RUBCN: variants seen among roughly 807,000 people sequenced by gnomAD.
RUBCN encodes run domain Beclin-1-interacting and cysteine-rich domain-containing protein.
A neutral mutation model predicts 113.2 loss-of-function variants in RUBCN; 74 were observed. The observed-to-expected ratio is 0.65, with a 90% CI of 0.54 to 0.79. The LOEUF is 0.79. Ranked by LOEUF, RUBCN falls within the 30% of genes least tolerant of loss-of-function variation. The probability of loss-of-function intolerance (pLI) is 0.00; values close to 1 mark genes in which losing one functional copy is unlikely to be tolerated. For synonymous variants in RUBCN, 480 were observed against 490.0 expected, an observed-to-expected ratio of 0.98 and a Z score of 0.27; for missense variants, 1,109 against 1,251.7, an observed-to-expected ratio of 0.89 and a Z score of 1.72.
chr3:197,681,742 CCTG>C lies in RUBCN; in HGVS notation c.2191+90_2191+92del. ...CTTCCCTACTTCTGCCACGCCACCT[CCTG>C]CTACCGCCTTTGACACGCCACCTCT... On this transcript the variant is annotated intron_variant, in intron 15 of 19. Coordinates refer to ENST00000296343, the MANE Select transcript of RUBCN (RefSeq NM_014687.4). The surrounding 1 kb of genome is among the most constrained non-coding windows in gnomAD (Gnocchi z 5.5). 1 of 1,145,004 alleles carries C rather than the reference CCTG, an allele frequency of 8.7e-7. No homozygotes were observed. Among genetic ancestry groups the C allele is most frequent in the African/African-American group, 1.5e-5 (1 of 65,878 alleles). 70.9% of individuals were successfully genotyped at this position (1,145,004 alleles called of 1,614,324 possible).
intron 1 of RUBCN, among the ~76,000 whole-genome samples, chr3:197,719,271 G>A (rs1487548490): frequency 1.3e-5 from 2 of 152,092 alleles, no homozygotes; most frequent in African/African-American, 4.8e-5. Context: ...GAGGTCAGGA[G>A]CTAGAAACCA....
Position 197,675,318 on chromosome 3 carries a change from C to T in RUBCN, c.2740+104G>A, listed in dbSNP as rs1038117960. The stretch of plus-strand genomic sequence containing the variant: ...CGTGGTGTCCCCTGGGGAGGCCCCG[C>T]GAGGTGCTGAGTGGCACCGAACTCT... On this transcript the variant is annotated intron_variant, in intron 19 of 19. Coordinates refer to ENST00000296343, the MANE Select transcript of RUBCN (RefSeq NM_014687.4). The surrounding 1 kb of genome is among the most constrained non-coding windows in gnomAD (Gnocchi z 4.4). 2.3e-5 allele frequency: 34 copies of T among 1,504,826 alleles called. No individual in the cohort carries two copies. Among genetic ancestry groups the T allele is most frequent in the Admixed American group, 2.0e-4 (12 of 59,896 alleles). 93.2% of individuals were successfully genotyped at this position (1,504,826 alleles called of 1,614,324 possible).
upstream of RUBCN, among the ~76,000 whole-genome samples, chr3:197,741,098 T>G (rs1728508718): frequency 6.6e-6 from 1 of 152,198 alleles, no homozygotes; most frequent in South Asian, 2.1e-4. Context: ...TTTGCAAGTT[T>G]AAAAAATAGT....
In RUBCN at chr3:197,674,848, GGCT is replaced by G; in HGVS notation, c.*167_*169del. 1 of 593,636 alleles carries G rather than the reference GGCT, an allele frequency of 1.7e-6. No homozygotes were observed. Among genetic ancestry groups the G allele is most frequent in the Non-Finnish European group, 2.8e-6 (1 of 354,432 alleles). 36.8% of individuals were successfully genotyped at this position (593,636 alleles called of 1,614,324 possible). A position where few individuals can be genotyped will look rare whatever the true frequency, so the allele number is the denominator to read the frequency against. Reference sequence around the variant, plus strand: ...ACTCTGGACCCATCAACCTGCCGACGGCTGACTGCACACAGACGTCAGACAAGT... The same window carrying G: ...ACTCTGGACCCATCAACCTGCCGACGGACTGCACACAGACGTCAGACAAGT... On this transcript the variant is annotated 3_prime_UTR_variant, in exon 20 of 20. Coordinates refer to ENST00000296343, the MANE Select transcript of RUBCN (RefSeq NM_014687.4).
In RUBCN at chr3:197,675,301, C is replaced by T; in HGVS notation, c.2741-105G>A. The T allele has an allele frequency of 6.5e-7, 1 of 1,532,144 alleles. No individual in the cohort carries two copies. The allele number at this position is 1,532,144 out of a possible 1,614,324, so 94.9% of individuals were successfully genotyped here. On this transcript the variant is annotated intron_variant, in intron 19 of 19. Coordinates refer to ENST00000296343, the MANE Select transcript of RUBCN (RefSeq NM_014687.4). This position sits in a 1 kb window ranked among gnomAD's most constrained non-coding sequence, Gnocchi z 4.4. ...CCTTCTCGCCACCAAGGCGTGGTGT[C>T]CCCTGGGGAGGCCCCGCGAGGTGCT...
intron 11 of RUBCN, among the ~76,000 whole-genome samples, chr3:197,687,560 G>C (rs1238815951): frequency 6.6e-6 from 1 of 152,198 alleles, no homozygotes; most frequent in Non-Finnish European, 1.5e-5. Context: ...GGGTTTCTCC[G>C]GCTGGCTCTG....
chr3:197,730,568 ATTTT>A (rs1291161661), intron 1 of RUBCN, among the ~76,000 whole-genome samples: 1 of 138,614 alleles, frequency 7.2e-6, no homozygotes, highest in East Asian at 2.1e-4. Flanking sequence ...TACACCCTAG[ATTTT>A]TTTTTTTTTT....
rs763349370 is a variant in RUBCN at position 197,677,557 on chromosome 3, G to A, written c.2431-16C>T. Reference sequence around the variant, plus strand: ...CCCGCAGCAGCTGAAAAGAAAGAGAGGGGGGCAGGAGTGGGAGGGAGATGT... The same window carrying A: ...CCCGCAGCAGCTGAAAAGAAAGAGAAGGGGGCAGGAGTGGGAGGGAGATGT... On this transcript the variant is annotated splice_polypyrimidine_tract_variant and intron_variant, in intron 16 of 19. Coordinates refer to ENST00000296343, the MANE Select transcript of RUBCN (RefSeq NM_014687.4). 1.2e-6 allele frequency: 2 copies of A among 1,613,104 alleles called. No individual in the cohort carries two copies. The highest frequency in any genetic ancestry group is 1.1e-5 in the South Asian group (1 of 91,046).
Position 197,683,987 on chromosome 3 carries a change from A to G in RUBCN, c.1847+170T>C, listed in dbSNP as rs1470765593. On this transcript the variant is annotated intron_variant, in intron 12 of 19. Transcript: ENST00000296343. The surrounding 1 kb of genome is among the most constrained non-coding windows in gnomAD (Gnocchi z 4.6). ...AGAGCCCATCCCACTGGGACCAAAGAGCTTCTGCTTTCTTCCCGTGGGCTC... is the reference window on the plus strand; with the variant it reads ...AGAGCCCATCCCACTGGGACCAAAGGGCTTCTGCTTTCTTCCCGTGGGCTC... 1.3e-5 allele frequency among the ~76,000 whole-genome samples: 2 copies of G among 152,150 alleles called. No individual in the cohort carries two copies. The highest frequency in any genetic ancestry group is 2.4e-5 in the African/African-American group (1 of 41,414).
chr3:197,723,737 G>A (rs1249931904), intron 1 of RUBCN, among the ~76,000 whole-genome samples: 1 of 152,090 alleles, frequency 6.6e-6, no homozygotes, highest in African/African-American at 2.4e-5. Flanking sequence ...ATACACACTG[G>A]TTTGATTAAA....
intron 1 of RUBCN, among the ~76,000 whole-genome samples, chr3:197,734,410 G>GA (rs113117461): frequency 0.017 from 2,194 of 129,628 alleles, 48 homozygotes; most frequent in African/African-American, 0.05. Flanking sequence ...TCTAAAAAAA[G>GA]AAAAAAAAAA....
chr3:197,732,876 G>A (rs1727681367), intron 1 of RUBCN, among the ~76,000 whole-genome samples: 2 of 152,128 alleles, frequency 1.3e-5, no homozygotes, highest in South Asian at 2.1e-4. Flanking sequence ...CACTTGTGGG[G>A]GAGACCCTCG....
rs149163681 is a variant in RUBCN at position 197,697,298 on chromosome 3, A to C, written c.1262-249T>G. On this transcript the variant is annotated intron_variant, in intron 7 of 19. Coordinates refer to ENST00000296343, the MANE Select transcript of RUBCN (RefSeq NM_014687.4). Reference sequence around the variant, plus strand: ...ATGGGGCAACATAAAGGAAAGAATCAAATCAAAATGGATTCATGGAATTTG... The same window carrying C: ...ATGGGGCAACATAAAGGAAAGAATCCAATCAAAATGGATTCATGGAATTTG... 2.6e-3 allele frequency among the ~76,000 whole-genome samples: 403 copies of C among 152,360 alleles called. 3 individuals are homozygous for C. The highest frequency in any genetic ancestry group is 9.1e-3 in the African/African-American group (377 of 41,586).
At chr3:197,693,377 C>T (rs1049179697) in intron 11 of RUBCN, among the ~76,000 whole-genome samples, 1 of 152,178 alleles carries the variant, frequency 6.6e-6, no homozygotes, top group African/African-American at 2.4e-5. Flanking sequence ...TGTTATGGAA[C>T]CCAAGAGAAT....
At chr3:197,711,135 T>C (rs184499228) in intron 2 of RUBCN, among the ~76,000 whole-genome samples, 1 of 152,364 alleles carries the variant, frequency 6.6e-6, no homozygotes, top group East Asian at 1.9e-4. Flanking sequence ...CTGGTGAGGA[T>C]ATTTATATAC....
intron 11 of RUBCN, among the ~76,000 whole-genome samples, chr3:197,693,083 C>G (rs1722604022): frequency 6.6e-6 from 1 of 151,926 alleles, no homozygotes; most frequent in South Asian, 2.1e-4. Context: ...CTGATGGGAA[C>G]TTGAAGAGAT....
chr3:197,730,066 G>C (rs1443015955), intron 1 of RUBCN, among the ~76,000 whole-genome samples: 1 of 152,168 alleles, frequency 6.6e-6, no homozygotes, highest in East Asian at 1.9e-4. Context: ...CTAAATTCAG[G>C]TTGGAAGATT....
intron 16 of RUBCN, among the ~76,000 whole-genome samples, chr3:197,679,441 C>T (rs1720920288): frequency 6.7e-6 from 1 of 150,110 alleles, no homozygotes; most frequent in South Asian, 2.1e-4. Flanking sequence ...TGGCTTCAGA[C>T]TGTCCTACGC....
At chr3:197,692,597 G>A (rs965188375) in intron 11 of RUBCN, among the ~76,000 whole-genome samples, 1 of 152,048 alleles carries the variant, frequency 6.6e-6, no homozygotes, top group Non-Finnish European at 1.5e-5. Context: ...GAGCTAAATT[G>A]TAAGTCACCC....
Sources: allele counts gnomAD v4.1 joint callset (sites outside exome capture counted in the v4.1 genomes callset), GRCh38; gene constraint gnomAD v4.1.1; non-coding constraint Gnocchi (gnomAD v3.1); transcripts MANE v1.5; gene names NCBI Gene and HGNC (gene_info 2026-07-23, HGNC 2026-07-21).